Variants in ANKRD36 observed in about 807,000 individuals in gnomAD.
The protein encoded by ANKRD36 is ankyrin repeat domain 36, also known as ankyrin repeat domain-containing protein 36A.
ANKRD36 carries 179 observed loss-of-function variants against 278.1 expected under a neutral mutation model. That is an observed-to-expected ratio of 0.64 (90% CI 0.57 to 0.73). The LOEUF (loss-of-function observed/expected upper bound fraction) is 0.73. Ranked by LOEUF, ANKRD36 falls within the 30% of genes least tolerant of loss-of-function variation. The pLI is 0.00. For synonymous variants in ANKRD36, 320 were observed against 641.1 expected (o/e 0.50, Z 7.57); for missense variants, 1,159 against 1,956.7 (o/e 0.59, Z 7.69).
chr2:97,117,729 C>T (rs2035873796), intron 1 of ANKRD36, among the ~76,000 whole-genome samples: 2 of 151,934 alleles, frequency 1.3e-5, no homozygotes, highest in African/African-American at 4.8e-5. Context: ...AAATGCTGTG[C>T]ATAGATTCTT....
chr2:97,147,910 C>T (rs945938340), intron 11 of ANKRD36, among the ~76,000 whole-genome samples: 7 of 151,882 alleles, frequency 4.6e-5, no homozygotes, highest in South Asian at 2.1e-4. Flanking sequence ...TAGAATATGG[C>T]GTTCAAGGAG....
chr2:97,177,864 A>G (rs1032068408), intron 22 of ANKRD36, among the ~76,000 whole-genome samples: 1 of 151,920 alleles, frequency 6.6e-6, no homozygotes, highest in African/African-American at 2.4e-5. Context: ...GCACTGCAAA[A>G]GAAACTACCA....
At chr2:97,210,054 C>T (rs1301904376) in intron 56 of ANKRD36, among the ~76,000 whole-genome samples, 182 bp downstream of exon 56, 2 of 151,816 alleles carry the variant, frequency 1.3e-5, no homozygotes, top group Non-Finnish European at 2.9e-5. Flanking sequence ...ATGATCTTCG[C>T]TCTAAGATTA....
At chr2:97,218,628 A>G (rs1018347256) in intron 64 of ANKRD36, among the ~76,000 whole-genome samples, 4 of 152,062 alleles carry the variant, frequency 2.6e-5, no homozygotes, top group South Asian at 2.1e-4. Context: ...GCTATAGAGC[A>G]TGATGAATGT....
rs1463568703 is a variant in ANKRD36 at position 97,149,327 on chromosome 2, C to T, written c.1067C>T (p.Pro356Leu). The T allele has an allele frequency of 6.5e-7, 1 of 1,534,072 alleles. No homozygotes were observed. Among genetic ancestry groups the T allele is most frequent in the East Asian group, 2.5e-5 (1 of 40,474 alleles). Reference protein sequence around the residue: ...SLYRPDAVAQPVTENEFSLES... With the variant: ...SLYRPDAVAQLVTENEFSLES... ...TACAGACCTGATGCTGTTGCACAGCCTGTGACAGAGAATGAGTTTTCTTTG... is the reference window on the plus strand; with the variant it reads ...TACAGACCTGATGCTGTTGCACAGCTTGTGACAGAGAATGAGTTTTCTTTG... Residue 356 changes from proline to leucine, a missense_variant, in exon 12 of 76, where the codon CCT (proline) becomes CTT (leucine). Pro to Leu is a moderately conservative substitution (Grantham distance 98, BLOSUM62 -3). Transcript: ENST00000420699.
intron 1 of ANKRD36, among the ~76,000 whole-genome samples, chr2:97,117,824 C>G (rs2035896278): frequency 6.6e-6 from 1 of 151,856 alleles, no homozygotes; most frequent in Admixed American, 6.6e-5. Context: ...CAAAGAAAGG[C>G]TAAATAACAG....
chr2:97,235,076 A>G (rs2073312626), intron 68 of ANKRD36, among the ~76,000 whole-genome samples: 3 of 150,414 alleles, frequency 2.0e-5, no homozygotes, highest in Non-Finnish European at 2.9e-5. Flanking sequence ...ATATGTAAAA[A>G]TGTTTGCCTA....
At chr2:97,210,137 C>A (rs2064014037) in intron 56 of ANKRD36, among the ~76,000 whole-genome samples, 1 of 151,798 alleles carries the variant, frequency 6.6e-6, no homozygotes, top group Non-Finnish European at 1.5e-5. Context: ...CTCTGGGGAA[C>A]AACATAATTT....
intron 48 of ANKRD36, 114 bp downstream of exon 48, chr2:97,202,507 T>G: frequency 1.4e-6 from 2 of 1,459,424 alleles, no homozygotes; most frequent in Non-Finnish European, 1.8e-6. Flanking sequence ...TTCAGCAGGC[T>G]GGAGATTCTT....
At position 97,144,554 on chromosome 2, in the gene ANKRD36, A is replaced by G; in HGVS notation, c.930+8A>G. 6.3e-7 allele frequency: 1 copy of G among 1,590,240 alleles called. No homozygotes were observed. Among genetic ancestry groups the G allele is most frequent in the Non-Finnish European group, 8.5e-7 (1 of 1,175,154 alleles). The stretch of plus-strand genomic sequence containing the variant: ...AAACAACCGGCCTTGAAGGTATTAT[A>G]CTCTCATTCATATTTTGAATAATTA... On this transcript the variant is annotated splice_region_variant and intron_variant, in intron 9 of 75. Coordinates refer to ENST00000420699, the MANE Select transcript of ANKRD36 (RefSeq NM_001354587.1).
At chr2:97,153,110 A>G (rs1411389175) in intron 14 of ANKRD36, among the ~76,000 whole-genome samples, 1 of 152,306 alleles carries the variant, frequency 6.6e-6, no homozygotes. Flanking sequence ...ATATTATCTT[A>G]CTGTGCTTGG....
chr2:97,183,993 A>G (rs2056854665), intron 28 of ANKRD36, among the ~76,000 whole-genome samples: 1 of 151,594 alleles, frequency 6.6e-6, no homozygotes, highest in African/African-American at 2.4e-5. Flanking sequence ...AGTAACAGAA[A>G]TTATAGATGT....
At chr2:97,141,119 TGA>T (rs1479980069) in intron 6 of ANKRD36, among the ~76,000 whole-genome samples, 1 of 151,496 alleles carries the variant, frequency 6.6e-6, no homozygotes, top group African/African-American at 2.4e-5. Context: ...TAAAAGGACC[TGA>T]GAGACCCCTA....
chr2:97,235,253 C>T (rs573860052), intron 68 of ANKRD36, among the ~76,000 whole-genome samples: 9 of 151,632 alleles, frequency 5.9e-5, no homozygotes, highest in African/African-American at 1.7e-4. Context: ...GTTCCAACAC[C>T]GCATGTTGAA....
intron 48 of ANKRD36, among the ~76,000 whole-genome samples, chr2:97,203,229 AC>A (rs2061883312): frequency 6.6e-6 from 1 of 151,812 alleles, no homozygotes; most frequent in African/African-American, 2.4e-5. Context: ...TATTTTAGAA[AC>A]AAAAATTATG....
chr2:97,207,696 A>G, intron 52 of ANKRD36, 115 bp from the exon 53 acceptor site: 1 of 1,490,012 alleles, frequency 6.7e-7, no homozygotes, highest in Non-Finnish European at 9.1e-7. Context: ...AGAAGCCATC[A>G]AAGCCTACGC....
At chr2:97,184,186 C>T (rs1203935396) in intron 28 of ANKRD36, among the ~76,000 whole-genome samples, 1 of 151,558 alleles carries the variant, frequency 6.6e-6, no homozygotes, top group Non-Finnish European at 1.5e-5. Context: ...CTGAGGAAAC[C>T]TGAGTGAACT....
chr2:97,126,476 C>A (rs529299342), intron 5 of ANKRD36, among the ~76,000 whole-genome samples: 15 of 151,820 alleles, frequency 9.9e-5, no homozygotes, highest in Non-Finnish European at 1.6e-4. Flanking sequence ...GTTGAGATAA[C>A]CTGAATTATA....
intron 46 of ANKRD36, among the ~76,000 whole-genome samples, chr2:97,201,500 T>C (rs1180206434): frequency 6.6e-6 from 1 of 151,948 alleles, no homozygotes; most frequent in African/African-American, 2.4e-5. Context: ...AAATTGATAA[T>C]TGATGATATT....
Sources: gnomAD v4.1 joint callset for allele counts (sites outside exome capture counted in the v4.1 genomes callset) on GRCh38, gnomAD v4.1.1 for gene constraint, MANE v1.5 for transcripts, NCBI Gene and HGNC (gene_info 2026-07-23, HGNC 2026-07-21) for gene names.